Variants in PLXDC2 observed in about 807,000 individuals in gnomAD.
The protein encoded by PLXDC2 is plexin domain-containing protein 2.
PLXDC2 carries 40 observed loss-of-function variants against 68.9 expected under a neutral mutation model. The observed-to-expected ratio is 0.58, with a 90% confidence interval of 0.45 to 0.76. The LOEUF is 0.76. Among genes scored for constraint, PLXDC2 ranks in the 30% least tolerant of loss-of-function variants. The pLI is 0.00. For synonymous variants in PLXDC2, 243 were observed against 234.2 expected (o/e 1.04, Z -0.34); for missense variants, 644 against 661.9 (o/e 0.97, Z 0.30).
At chr10:20,062,325 G>A (rs368444027) in intron 3 of PLXDC2, among the ~76,000 whole-genome samples, 8 of 152,316 alleles carry the variant, frequency 5.3e-5, no homozygotes, top group Admixed American at 4.6e-4. Flanking sequence ...TAGGGAGGCT[G>A]AGGCGGGAGA....
At chr10:19,819,174 C>G (rs1018221683) in intron 1 of PLXDC2, among the ~76,000 whole-genome samples, 1 of 152,094 alleles carries the variant, frequency 6.6e-6, no homozygotes, top group Non-Finnish European at 1.5e-5. Context: ...ATATAAAATA[C>G]TTAAAATGTT....
intron 1 of PLXDC2, among the ~76,000 whole-genome samples, chr10:19,922,270 C>T (rs1833473105): frequency 6.6e-6 from 1 of 152,222 alleles, no homozygotes; most frequent in Non-Finnish European, 1.5e-5. Context: ...TCTGCCTACC[C>T]ATTGTGAATT....
intron 4 of PLXDC2, among the ~76,000 whole-genome samples, chr10:20,136,756 G>A (rs1050195191): frequency 6.6e-6 from 1 of 152,122 alleles, no homozygotes; most frequent in Non-Finnish European, 1.5e-5. Flanking sequence ...TGCCCTACAG[G>A]CATACCCATC....
rs553455515 is a variant in PLXDC2, at chr10:19,921,691, A to G, written c.113-80084A>G. On this transcript the variant is annotated intron_variant, in intron 1 of 13. Coordinates refer to ENST00000377252, the MANE Select transcript of PLXDC2 (RefSeq NM_032812.9). ...TAGCTTTCATGGAGCCAGTGAGGCT[A>G]CACAGGGCTACAGGACAATTGTGTT... 3.3e-5 allele frequency among the ~76,000 whole-genome samples: 5 copies of G among 152,304 alleles called. No homozygotes were observed. The East Asian group carries it at 7.7e-4, about 24-fold the overall frequency.
chr10:20,017,394 C>T (rs1040159692), intron 2 of PLXDC2, among the ~76,000 whole-genome samples: 2 of 152,186 alleles, frequency 1.3e-5, no homozygotes, highest in Non-Finnish European at 2.9e-5. Context: ...ATGCAGTAAT[C>T]CATCTCTCAA....
chr10:19,976,105 T>C (rs995861881), intron 1 of PLXDC2, among the ~76,000 whole-genome samples: 1 of 152,228 alleles, frequency 6.6e-6, no homozygotes, highest in African/African-American at 2.4e-5. Flanking sequence ...GAATTTTAAG[T>C]TGAAATTCGT....
chr10:20,204,716 GC>G (rs1471972874), intron 9 of PLXDC2, among the ~76,000 whole-genome samples: 1 of 152,076 alleles, frequency 6.6e-6, no homozygotes, highest in Non-Finnish European at 1.5e-5. Flanking sequence ...AGTTTGACTG[GC>G]ACACAGCCAC....
At chr10:20,033,172 T>TAAAGTATAATA (rs1436584544) in intron 2 of PLXDC2, among the ~76,000 whole-genome samples, 1 of 151,174 alleles carries the variant, frequency 6.6e-6, no homozygotes, top group African/African-American at 2.4e-5. Context: ...CCCTAGAACT[T>TAAAGTATAATA]AAAGTATAAT....
intron 4 of PLXDC2, among the ~76,000 whole-genome samples, chr10:20,116,504 G>A (rs1158557812): frequency 6.6e-6 from 1 of 151,564 alleles, no homozygotes; most frequent in Non-Finnish European, 1.5e-5. Flanking sequence ...TTTTTTTTGA[G>A]AGCACTTCTT....
intron 1 of PLXDC2, among the ~76,000 whole-genome samples, chr10:19,884,113 T>A (rs1481447354): frequency 2.7e-5 from 4 of 150,812 alleles, no homozygotes; most frequent in Admixed American, 2.6e-4. Flanking sequence ...GCCAGGCTGG[T>A]TTCAAACTCC....
intron 1 of PLXDC2, among the ~76,000 whole-genome samples, chr10:19,842,597 A>G (rs1182226237): frequency 6.6e-6 from 1 of 152,158 alleles, no homozygotes; most frequent in African/African-American, 2.4e-5. Context: ...GAACATCTTT[A>G]TAAGTAACAC....
At chr10:20,023,033 C>CA (rs1317925674) in intron 2 of PLXDC2, among the ~76,000 whole-genome samples, 1 of 148,936 alleles carries the variant, frequency 6.7e-6, no homozygotes, top group African/African-American at 2.5e-5. Flanking sequence ...CCTCCCCCCG[C>CA]AAAAAAAGGC....
chr10:19,906,508 T>TA (rs1394919407), intron 1 of PLXDC2, among the ~76,000 whole-genome samples: 1 of 152,180 alleles, frequency 6.6e-6, no homozygotes, highest in Non-Finnish European at 1.5e-5. Context: ...GGACTGTCCT[T>TA]AGTTGCCTGT....
chr10:20,021,111 C>T (rs1564659318), intron 2 of PLXDC2, among the ~76,000 whole-genome samples: 1 of 152,146 alleles, frequency 6.6e-6, no homozygotes, highest in Non-Finnish European at 1.5e-5. Context: ...TTATAAAACA[C>T]ATTTTATATC....
intron 4 of PLXDC2, among the ~76,000 whole-genome samples, chr10:20,116,262 TC>T (rs984671493): frequency 1.3e-5 from 2 of 151,968 alleles, no homozygotes; most frequent in African/African-American, 2.4e-5. Flanking sequence ...AGATTCTTTT[TC>T]CCCCCCGGAA....
chr10:19,989,270 A>T (rs11596445), intron 1 of PLXDC2, among the ~76,000 whole-genome samples: 9,584 of 152,272 alleles, frequency 0.063, 375 homozygotes, highest in Middle Eastern at 0.13. Context: ...TGCTATCATG[A>T]CCTGCTGGTG....
chr10:20,245,201 CCT>C, intron 12 of PLXDC2, 142 bp from the exon 13 acceptor site: 1 of 725,554 alleles, frequency 1.4e-6, no homozygotes, highest in South Asian at 2.2e-5. Context: ...GAGCACGTCA[CCT>C]GTAAAATTGA....
At chr10:19,933,987 A>G (rs534082625) in intron 1 of PLXDC2, among the ~76,000 whole-genome samples, 1 of 152,288 alleles carries the variant, frequency 6.6e-6, no homozygotes, top group East Asian at 1.9e-4. Flanking sequence ...CCTTTTTGTC[A>G]ATTCTTCTTG....
At chr10:20,212,384 T>C (rs948567109) in intron 10 of PLXDC2, among the ~76,000 whole-genome samples, 6 of 152,108 alleles carry the variant, frequency 3.9e-5, no homozygotes, top group African/African-American at 1.4e-4. Context: ...GAGACAAGGA[T>C]GCAGTGAAGT....
Sources: gnomAD v4.1 joint callset for allele counts (sites outside exome capture counted in the v4.1 genomes callset) on GRCh38, gnomAD v4.1.1 for gene constraint, MANE v1.5 for transcripts, NCBI Gene and HGNC (gene_info 2026-07-23, HGNC 2026-07-21) for gene names.